Variants in SDCCAG8 observed in about 807,000 individuals in gnomAD.
SDCCAG8 encodes serologically defined colon cancer antigen 8.
In SDCCAG8, 74 loss-of-function variants were observed where a neutral mutation model predicts 101.8. The ratio of observed to expected loss-of-function variants is 0.73; its 90% CI spans 0.60 to 0.88. The LOEUF (loss-of-function observed/expected upper bound fraction) is 0.88, where lower values mean the gene tolerates loss of function less well. SDCCAG8 is among the 40% of genes least tolerant of loss of function. The probability of loss-of-function intolerance (pLI) is 0.00; values close to 1 mark genes in which losing one functional copy is unlikely to be tolerated. For missense variants in SDCCAG8, 787 were observed against 822.6 expected (o/e 0.96, Z 0.53); for synonymous variants, 281 against 292.9 (o/e 0.96, Z 0.41).
chr1:243,489,254 C>T (rs1487899357), intron 17 of SDCCAG8, 114 bp downstream of exon 17: 1 of 1,392,494 alleles, frequency 7.2e-7, no homozygotes, highest in Non-Finnish European at 9.8e-7. Flanking sequence ...TAGCAGTAAG[C>T]TGGGAGGGAG....
intron 13 of SDCCAG8, among the ~76,000 whole-genome samples, chr1:243,386,214 G>A (rs1301590228): frequency 6.6e-6 from 1 of 152,178 alleles, no homozygotes; most frequent in African/African-American, 2.4e-5. Context: ...GAGAAGGAAA[G>A]GAGTCTTCTA....
intron 10 of SDCCAG8, 151 bp from the exon 11 acceptor site, chr1:243,340,888 T>G: frequency 1.3e-6 from 1 of 760,898 alleles, no homozygotes; most frequent in African/African-American, 1.7e-5. Context: ...CATAGGTGAA[T>G]AGAGGAAGGA....
intron 17 of SDCCAG8, among the ~76,000 whole-genome samples, chr1:243,489,755 C>G (rs891847408): frequency 1.3e-5 from 2 of 152,154 alleles, no homozygotes; most frequent in Non-Finnish European, 2.9e-5. Context: ...CCCAGACAAG[C>G]ATTACAGCTG....
intron 16 of SDCCAG8, among the ~76,000 whole-genome samples, chr1:243,468,121 C>G (rs1014184134): frequency 1.3e-5 from 2 of 152,178 alleles, no homozygotes; most frequent in Non-Finnish European, 2.9e-5. Flanking sequence ...CCACTTACTA[C>G]CCCTGTGAAC....
intron 16 of SDCCAG8, among the ~76,000 whole-genome samples, chr1:243,462,885 C>A (rs1659415775): frequency 6.6e-6 from 1 of 152,112 alleles, no homozygotes; most frequent in Non-Finnish European, 1.5e-5. Context: ...AAACCCTAGG[C>A]TCTTTGGAAG....
chr1:243,442,029 A>G (rs1285952915), intron 16 of SDCCAG8, among the ~76,000 whole-genome samples: 1 of 152,208 alleles, frequency 6.6e-6, no homozygotes, highest in East Asian at 1.9e-4. Context: ...TAAAGATGGA[A>G]ACTATTATAA....
intron 13 of SDCCAG8, among the ~76,000 whole-genome samples, chr1:243,397,687 T>C (rs1162688624): frequency 2.0e-5 from 3 of 152,262 alleles, no homozygotes; most frequent in African/African-American, 7.2e-5. Flanking sequence ...TAATGCTCTT[T>C]AAAATACACA....
At chr1:243,264,997 C>T (rs141267890) in intron 1 of SDCCAG8, among the ~76,000 whole-genome samples, 1 of 152,308 alleles carries the variant, frequency 6.6e-6, no homozygotes, top group East Asian at 1.9e-4. Flanking sequence ...TCTGTCTAAT[C>T]TGGTTTCCTT....
chr1:243,499,395 G>A (rs928384730), intron 17 of SDCCAG8, among the ~76,000 whole-genome samples: 4 of 152,236 alleles, frequency 2.6e-5, no homozygotes, highest in African/African-American at 9.6e-5. Context: ...GTTAAGGTCA[G>A]ATAAATTTTC....
chr1:243,271,809 A>T (rs2068110928), intron 3 of SDCCAG8, among the ~76,000 whole-genome samples: 1 of 152,090 alleles, frequency 6.6e-6, no homozygotes, highest in Admixed American at 6.6e-5. Flanking sequence ...CTCCCAAAGC[A>T]CCGGGATTAT....
intron 12 of SDCCAG8, among the ~76,000 whole-genome samples, chr1:243,375,598 G>C (rs1473082475): frequency 1.3e-5 from 2 of 152,072 alleles, no homozygotes; most frequent in East Asian, 3.9e-4. Flanking sequence ...CTTTTGATAA[G>C]GTGTAAAGCT....
At chr1:243,446,777 T>A (rs956245191) in intron 16 of SDCCAG8, among the ~76,000 whole-genome samples, 2 of 152,100 alleles carry the variant, frequency 1.3e-5, no homozygotes, top group African/African-American at 4.8e-5. Flanking sequence ...ATATACCTCA[T>A]GTACAGGTTT....
chr1:243,311,640 C>A (rs751099121), intron 8 of SDCCAG8, among the ~76,000 whole-genome samples: 10 of 151,934 alleles, frequency 6.6e-5, no homozygotes, highest in Non-Finnish European at 1.2e-4. Context: ...ATAAGCCAGG[C>A]ATAGTGGCTC....
At chr1:243,294,370 A>G (rs2070581416) in intron 6 of SDCCAG8, among the ~76,000 whole-genome samples, 1 of 151,846 alleles carries the variant, frequency 6.6e-6, no homozygotes, top group African/African-American at 2.4e-5. Flanking sequence ...TCGTGTGATT[A>G]TTGAAGTCTT....
chr1:243,386,499 A>G (rs1282970921), intron 13 of SDCCAG8, among the ~76,000 whole-genome samples: 1 of 152,112 alleles, frequency 6.6e-6, no homozygotes, highest in Non-Finnish European at 1.5e-5. Flanking sequence ...GTCAGGAGTA[A>G]TCCCAGCACT....
intron 16 of SDCCAG8, among the ~76,000 whole-genome samples, chr1:243,478,226 A>G (rs1328177951): frequency 6.6e-6 from 1 of 152,196 alleles, no homozygotes; most frequent in South Asian, 2.1e-4. Context: ...GGGCGTTTCA[A>G]AAAAGGATTT....
At chr1:243,450,624 T>G (rs1421137769) in intron 16 of SDCCAG8, among the ~76,000 whole-genome samples, 1 of 152,136 alleles carries the variant, frequency 6.6e-6, no homozygotes, top group Non-Finnish European at 1.5e-5. Context: ...ACCTGTTTAT[T>G]TTTGTTTGTT....
At chr1:243,454,460 C>T (rs979263053) in intron 16 of SDCCAG8, among the ~76,000 whole-genome samples, 2 of 152,086 alleles carry the variant, frequency 1.3e-5, no homozygotes, top group Admixed American at 6.6e-5. Flanking sequence ...GTAATGCATC[C>T]ACTCGGAATG....
chr1:243,440,268 C>A (rs138879856), intron 16 of SDCCAG8, among the ~76,000 whole-genome samples: 2 of 151,912 alleles, frequency 1.3e-5, no homozygotes, highest in East Asian at 3.9e-4. Context: ...ATAAGTTCTT[C>A]GGTTTTATTC....
Sources: gnomAD v4.1 joint callset for allele counts (sites outside exome capture counted in the v4.1 genomes callset) on GRCh38, gnomAD v4.1.1 for gene constraint, MANE v1.5 for transcripts, NCBI Gene and HGNC (gene_info 2026-07-23, HGNC 2026-07-21) for gene names.